The following SHROOM3 variants were observed in gnomAD, a reference collection of about 807,000 sequenced individuals.
SHROOM3 encodes the protein protein Shroom3.
A neutral mutation model predicts 138.6 loss-of-function variants in SHROOM3; 47 were observed. The observed-to-expected ratio is 0.34, with a 90% CI of 0.27 to 0.43. The LOEUF (loss-of-function observed/expected upper bound fraction) is 0.43. Ranked by LOEUF, SHROOM3 falls within the 20% of genes least tolerant of loss-of-function variation. The pLI, the probability that SHROOM3 is intolerant of heterozygous loss-of-function variation, is 1.00. For missense variants in SHROOM3, 2,491 were observed against 2,596.5 expected (o/e 0.96, Z 0.88); for synonymous variants, 1,062 against 1,063.3 (o/e 1.00, Z 0.02).
chr4:76,451,840 G>T (rs1052153358), intron 1 of SHROOM3, among the ~76,000 whole-genome samples: 1 of 152,116 alleles, frequency 6.6e-6, no homozygotes, highest in Non-Finnish European at 1.5e-5. Context: ...ATTTTTAAAG[G>T]TTTTTTTAGA....
rs1271996372 is a variant in SHROOM3, at chr4:76,756,656, C to T, written c.4917C>T (p.Ser1639=). The T allele has an allele frequency of 1.2e-6, 2 of 1,613,884 alleles. No individual in the cohort carries two copies. Among genetic ancestry groups the T allele is most frequent in the Non-Finnish European group, 1.7e-6 (2 of 1,180,022 alleles). ...AGCCAGCACCCATCCAGACTCAAAG[C>T]CTCAGCCATGATCCAGTCAGTGGAA... ...GGQPAPIQTQ[S]LSHDPVSGTQ... Residue 1639 remains serine (S), a synonymous_variant, in exon 8 of 11, where the codon AGC becomes AGT. Coordinates refer to ENST00000296043, the MANE Select transcript of SHROOM3 (RefSeq NM_020859.4).
At chr4:76,457,555 T>C (rs957024334) in intron 1 of SHROOM3, among the ~76,000 whole-genome samples, 3 of 151,526 alleles carry the variant, frequency 2.0e-5, no homozygotes, top group African/African-American at 7.3e-5. Context: ...GCAGTGGCAC[T>C]ATCTCGACTC....
intron 1 of SHROOM3, among the ~76,000 whole-genome samples, chr4:76,551,942 A>T (rs1733364570): frequency 1.3e-5 from 2 of 150,792 alleles, no homozygotes; most frequent in South Asian, 4.2e-4. Context: ...GCTCACTGCA[A>T]GCTCTGCCTC....
chr4:76,724,199 TTTG>T (rs1235968982), intron 3 of SHROOM3, among the ~76,000 whole-genome samples: 3 of 152,232 alleles, frequency 2.0e-5, no homozygotes, highest in Admixed American at 2.0e-4. Flanking sequence ...ACAAAAGGGC[TTTG>T]TTTGAATTAC....
intron 2 of SHROOM3, among the ~76,000 whole-genome samples, chr4:76,631,981 A>G (rs1017278834): frequency 1.3e-5 from 2 of 152,256 alleles, no homozygotes; most frequent in East Asian, 1.9e-4. Flanking sequence ...GAATAAAAGG[A>G]TTAAGGGAAG....
chr4:76,549,520 C>A (rs558408896), intron 1 of SHROOM3, among the ~76,000 whole-genome samples: 1 of 152,184 alleles, frequency 6.6e-6, no homozygotes, highest in Non-Finnish European at 1.5e-5. Context: ...AGGTGCGTGC[C>A]ACCATGCCCG....
intron 1 of SHROOM3, among the ~76,000 whole-genome samples, chr4:76,513,851 A>G (rs1054432268): frequency 6.6e-6 from 1 of 152,200 alleles, no homozygotes; most frequent in Non-Finnish European, 1.5e-5. Flanking sequence ...CGGGTCAGAC[A>G]TTGATCTTTA....
chr4:76,545,704 G>T (rs185591058), intron 1 of SHROOM3, among the ~76,000 whole-genome samples: 1 of 152,270 alleles, frequency 6.6e-6, no homozygotes, highest in East Asian at 1.9e-4. Context: ...AACCTCTATG[G>T]AGTCTTTGCT....
intron 1 of SHROOM3, among the ~76,000 whole-genome samples, chr4:76,540,630 C>T (rs1347523797): frequency 6.6e-6 from 1 of 152,126 alleles, no homozygotes; most frequent in Non-Finnish European, 1.5e-5. Context: ...TAGTCAGTCA[C>T]ATTGTGGATT....
intron 2 of SHROOM3, among the ~76,000 whole-genome samples, chr4:76,596,628 T>TCC (rs1734395259): frequency 8.6e-6 from 1 of 116,458 alleles, no homozygotes; most frequent in Admixed American, 8.6e-5. Context: ...ACACACACTC[T>TCC]CCAACAGATG....
chr4:76,623,088 T>C (rs979304578), intron 2 of SHROOM3, among the ~76,000 whole-genome samples: 1 of 152,226 alleles, frequency 6.6e-6, no homozygotes, highest in African/African-American at 2.4e-5. Flanking sequence ...AAAGACCTCC[T>C]TATAACACAT....
intron 2 of SHROOM3, among the ~76,000 whole-genome samples, chr4:76,659,090 G>A (rs192389750): frequency 7.3e-5 from 11 of 150,702 alleles, no homozygotes; most frequent in Non-Finnish European, 1.5e-4. Context: ...CTTCCTTCTC[G>A]GTTGGTCCTC....
At chr4:76,667,265 A>G (rs1229045096) in intron 2 of SHROOM3, among the ~76,000 whole-genome samples, 1 of 152,164 alleles carries the variant, frequency 6.6e-6, no homozygotes, top group Admixed American at 6.5e-5. Flanking sequence ...TGGACTGTAC[A>G]CTTACATGTG....
intron 2 of SHROOM3, among the ~76,000 whole-genome samples, chr4:76,588,920 A>G (rs1485316829): frequency 6.6e-6 from 1 of 152,178 alleles, no homozygotes; most frequent in African/African-American, 2.4e-5. Flanking sequence ...AATCCCCAGC[A>G]GTCTTAATGA....
At position 76,754,315 on chromosome 4, in the gene SHROOM3, C is replaced by G. The variant is rs1229983204; in HGVS notation, c.3832C>G (p.Leu1278Val). ...CYLAGPGSRS[L>V]SCSERGQEEM... ...CCTGTCTGTGTGCCGTTCCAGGTCA[C>G]TCAGTTGTTCAGAAAGAGGCCAAGA... is the stretch of plus-strand genomic sequence containing the variant. Residue 1278 changes from leucine to valine, a missense_variant, in exon 7 of 11, where the codon CTC (leucine) becomes GTC (valine). Physicochemically the swap from Leu to Val is conservative, Grantham distance 32. This residue lies in a region of SHROOM3 where 1,733 missense variants were observed against 1,661.6 expected (regional missense o/e 1.04). Transcript: ENST00000296043. 1 of 1,614,174 alleles carries G rather than the reference C, an allele frequency of 6.2e-7. No homozygotes were observed.
chr4:76,485,866 C>T (rs766187135), intron 1 of SHROOM3, among the ~76,000 whole-genome samples: 2 of 152,174 alleles, frequency 1.3e-5, no homozygotes, highest in African/African-American at 4.8e-5. Context: ...TTTTAAAAAA[C>T]TAAACAGAAC....
At chr4:76,498,747 G>A (rs947793322) in intron 1 of SHROOM3, among the ~76,000 whole-genome samples, 10 of 152,024 alleles carry the variant, frequency 6.6e-5, no homozygotes, top group African/African-American at 2.2e-4. Context: ...TTGCCCTTTT[G>A]GTGTGGGACT....
chr4:76,681,081 T>C (rs1719178507), intron 2 of SHROOM3, among the ~76,000 whole-genome samples: 1 of 152,216 alleles, frequency 6.6e-6, no homozygotes, highest in Admixed American at 6.5e-5. Flanking sequence ...TCTTCCACCA[T>C]CTGCCTCTCC....
At chr4:76,682,652 AAGG>A (rs1266163216) in intron 2 of SHROOM3, among the ~76,000 whole-genome samples, 1 of 152,154 alleles carries the variant, frequency 6.6e-6, no homozygotes, top group Non-Finnish European at 1.5e-5. Context: ...GAAAAAAAAA[AAGG>A]AGAATGAGAA....
Sources: allele counts gnomAD v4.1 joint callset (sites outside exome capture counted in the v4.1 genomes callset), GRCh38; gene constraint gnomAD v4.1.1; regional missense constraint gnomAD v4.1.1; transcripts MANE v1.5; gene names NCBI Gene and HGNC (gene_info 2026-07-23, HGNC 2026-07-21).